The following PBLD variants were observed in gnomAD, a reference collection of about 807,000 sequenced individuals.
PBLD encodes phenazine biosynthesis like protein domain containing, also known as phenazine biosynthesis-like domain-containing protein.
PBLD carries 26 observed loss-of-function variants against 31.3 expected under a neutral mutation model. That is an observed-to-expected ratio of 0.83 (90% CI 0.61 to 1.15). The LOEUF is 1.15. Among genes scored for constraint, PBLD ranks in the 50% most tolerant of loss-of-function variants. The probability of loss-of-function intolerance (pLI) is 0.00; values close to 1 mark genes in which losing one functional copy is unlikely to be tolerated. For missense variants in PBLD, 307 were observed against 351.7 expected (o/e 0.87, Z 1.02); for synonymous variants, 114 against 129.0 (o/e 0.88, Z 0.79).
intron 2 of PBLD, among the ~76,000 whole-genome samples, chr10:68,300,285 G>A (rs994330943): frequency 6.6e-6 from 1 of 152,124 alleles, no homozygotes; most frequent in African/African-American, 2.4e-5. Context: ...ATACATGTTA[G>A]CTTTTTATTT....
intron 2 of PBLD, among the ~76,000 whole-genome samples, chr10:68,302,504 T>C (rs762348960): frequency 1.3e-5 from 2 of 152,130 alleles, no homozygotes; most frequent in Non-Finnish European, 2.9e-5. Flanking sequence ...CACACCTGGA[T>C]GGAGAAAGTT....
In PBLD at chr10:68,308,848, G is replaced by GTGTGTC. The variant is rs1209042994; in HGVS notation, c.-59-1946_-59-1945insGACACA. ...CCCCACTGCACCTGACCTGCATGGT[G>GTGTGTC]TGTGTGTGTGTGTGTGTGTGTGTGT... On this transcript the variant is annotated intron_variant, in intron 1 of 9. Coordinates refer to ENST00000358769, the MANE Select transcript of PBLD (RefSeq NM_022129.4). Among the ~76,000 whole-genome samples the GTGTGTC allele has an allele frequency of 2.9e-5, 4 of 135,926 alleles. 1 individual carries two copies. Among genetic ancestry groups the GTGTGTC allele is most frequent in the Admixed American group, 1.4e-4 (2 of 13,882 alleles). The allele number at this position is 135,926 out of a possible 152,430, so 89.2% of individuals were successfully genotyped here.
At chr10:68,305,463 A>C (rs566550872) in intron 2 of PBLD, among the ~76,000 whole-genome samples, 2 of 151,784 alleles carry the variant, frequency 1.3e-5, no homozygotes, top group Non-Finnish European at 2.9e-5. Flanking sequence ...ACTTTAAAAA[A>C]AACACTGCTG....
Position 68,284,089 on chromosome 10 carries a change from C to T in PBLD, c.*88G>A. The T allele has an allele frequency of 8.1e-7, 1 of 1,236,312 alleles. No individual in the cohort carries two copies. Among genetic ancestry groups the T allele is most frequent in the Non-Finnish European group, 1.2e-6 (1 of 861,152 alleles). 76.6% of individuals were successfully genotyped at this position (1,236,312 alleles called of 1,614,324 possible). A position where few individuals can be genotyped will look rare whatever the true frequency, so the allele number is the denominator to read the frequency against. On this transcript the variant is annotated 3_prime_UTR_variant, in exon 10 of 10. Transcript: ENST00000358769. ...CATGAGGATTAAGTAGACTACTACG[C>T]ACATTTGCTAAAGGCAGCCCCTTAC...
intron 1 of PBLD, among the ~76,000 whole-genome samples, chr10:68,324,057 C>G (rs1360546926): frequency 6.6e-6 from 1 of 152,216 alleles, no homozygotes; most frequent in African/African-American, 2.4e-5. Context: ...GCATCCAACC[C>G]TAAGCCAAAA....
intron 1 of PBLD, among the ~76,000 whole-genome samples, chr10:68,309,865 GCGGCTCACACCTGTCATC>G (rs1238034612): frequency 6.7e-6 from 1 of 149,626 alleles, no homozygotes; most frequent in East Asian, 2.1e-4. Flanking sequence ...GCCAGGCACG[GCGGCTCACACCTGTCATC>G]CCAACATTTT....
intron 2 of PBLD, among the ~76,000 whole-genome samples, chr10:68,300,800 G>C (rs2044495538): frequency 6.6e-6 from 1 of 152,162 alleles, no homozygotes; most frequent in South Asian, 2.1e-4. Context: ...CTAGAAAAGA[G>C]GGGAGATTTC....
rs1281776781 is a variant in PBLD at position 68,285,344 on chromosome 10, C to T, written c.754+4G>A. On this transcript the variant is annotated splice_donor_region_variant and intron_variant, in intron 9 of 9. Coordinates refer to ENST00000358769, the MANE Select transcript of PBLD (RefSeq NM_022129.4). Reference sequence around the variant, plus strand: ...AAAAAGAAATTGGTAAAGAGCTGTCCTACCATGCATTTCTTTCTTCCCCAG... The same window carrying T: ...AAAAAGAAATTGGTAAAGAGCTGTCTTACCATGCATTTCTTTCTTCCCCAG... The T allele has an allele frequency of 1.2e-6, 2 of 1,613,854 alleles. No individual in the cohort carries two copies. Among genetic ancestry groups the T allele is most frequent in the Admixed American group, 1.7e-5 (1 of 59,984 alleles).
chr10:68,295,689 C>A (rs902077698), intron 4 of PBLD, among the ~76,000 whole-genome samples: 4 of 151,070 alleles, frequency 2.6e-5, no homozygotes, highest in African/African-American at 9.7e-5. Flanking sequence ...TGGTGCCTCA[C>A]GCCTATAATC....
At chr10:68,286,464 A>T (rs1243134255) in intron 8 of PBLD, among the ~76,000 whole-genome samples, 1 of 151,722 alleles carries the variant, frequency 6.6e-6, no homozygotes, top group Non-Finnish European at 1.5e-5. Flanking sequence ...AAAGGTGGAA[A>T]CTCTGAAAAA....
At chr10:68,325,461 A>C (rs1274714619) in intron 1 of PBLD, among the ~76,000 whole-genome samples, 1 of 152,186 alleles carries the variant, frequency 6.6e-6, no homozygotes, top group Non-Finnish European at 1.5e-5. Context: ...GCTACTCAGG[A>C]GGCTAAGGCA....
Position 68,296,257 on chromosome 10 carries a change from T to A in PBLD, c.283+9A>T, listed in dbSNP as rs368600704. ...TAAGTGTTAGATTCATTAAAGAAAA[T>A]CACATTACTTATTTTGTGAAACAGC... is the stretch of plus-strand genomic sequence containing the variant. On this transcript the variant is annotated intron_variant, in intron 4 of 9. Transcript: ENST00000358769. The A allele has an allele frequency of 6.3e-7, 1 of 1,588,610 alleles. No individual in the cohort carries two copies. The highest frequency in any genetic ancestry group is 1.4e-5 in the African/African-American group (1 of 72,980).
At chr10:68,303,664 A>G (rs544927592) in intron 2 of PBLD, among the ~76,000 whole-genome samples, 2 of 152,084 alleles carry the variant, frequency 1.3e-5, no homozygotes, top group Non-Finnish European at 2.9e-5. Context: ...GAAGCTCTTG[A>G]ACTTTATTAC....
At chr10:68,297,051 C>CT in intron 2 of PBLD, 66 bp from the exon 3 acceptor site, 1 of 1,177,220 alleles carries the variant, frequency 8.5e-7, no homozygotes, top group Non-Finnish European at 1.3e-6. Flanking sequence ...TGGACAACAA[C>CT]TACCATTAAC....
intron 8 of PBLD, among the ~76,000 whole-genome samples, chr10:68,286,027 T>C (rs1463285515): frequency 6.6e-6 from 1 of 151,976 alleles, no homozygotes; most frequent in African/African-American, 2.4e-5. Context: ...TTAATTCTTG[T>C]CTTGTCTACC....
rs761230580 is a variant in PBLD at position 68,284,236 on chromosome 10, C to G, written c.808G>C (p.Gly270Arg). Residue 270 changes from glycine (G) to arginine (R), a missense_variant, in exon 10 of 10, where the codon GGA (glycine) becomes CGA (arginine). Coordinates refer to ENST00000358769, the MANE Select transcript of PBLD (RefSeq NM_022129.4). ...GCACCTCCTCTAATGTCAACCCTTC[C>G]GTCTGGACGAAGGGAAATTCCCAGC... ...GELGISLRPDGRVDIRGGAAV... is the reference protein window; with the variant it reads ...GELGISLRPDRRVDIRGGAAV... 1.4e-4 allele frequency: 224 copies of G among 1,613,938 alleles called. No homozygotes were observed. Among genetic ancestry groups the G allele is most frequent in the Non-Finnish European group, 1.8e-4 (216 of 1,179,996 alleles).
chr10:68,300,263 A>G (rs2044488220), intron 2 of PBLD, among the ~76,000 whole-genome samples: 1 of 152,200 alleles, frequency 6.6e-6, no homozygotes, highest in South Asian at 2.1e-4. Context: ...CCCAACACGT[A>G]GTAGGTACTT....
At chr10:68,303,773 G>C (rs1193999955) in intron 2 of PBLD, among the ~76,000 whole-genome samples, 1 of 151,710 alleles carries the variant, frequency 6.6e-6, no homozygotes, top group African/African-American at 2.4e-5. Context: ...AGGTTTTCCT[G>C]TGGTTACTCT....
intron 1 of PBLD, among the ~76,000 whole-genome samples, chr10:68,330,437 A>T (rs1463857139): frequency 5.3e-5 from 8 of 152,190 alleles, no homozygotes; most frequent in Non-Finnish European, 8.8e-5. Context: ...TTGGCCGGAC[A>T]TTGAAGATTG....
Sources: gnomAD v4.1 joint callset for allele counts (sites outside exome capture counted in the v4.1 genomes callset) on GRCh38, gnomAD v4.1.1 for gene constraint, MANE v1.5 for transcripts, NCBI Gene and HGNC (gene_info 2026-07-23, HGNC 2026-07-21) for gene names.